Variants in MUC4 observed in about 807,000 individuals in gnomAD.
The protein encoded by MUC4 is mucin 4, cell surface associated, also known as mucin-4.
A neutral mutation model predicts 257.9 loss-of-function variants in MUC4; 202 were observed. The ratio of observed to expected loss-of-function variants is 0.78; its 90% CI spans 0.70 to 0.88. The LOEUF is 0.88. Ranked by LOEUF, MUC4 falls within the 40% of genes least tolerant of loss-of-function variation. The probability of loss-of-function intolerance (pLI) is 0.00; values close to 1 mark genes in which losing one functional copy is unlikely to be tolerated. For synonymous variants in MUC4, 2,351 were observed against 2,757.1 expected, an observed-to-expected ratio of 0.85 and a Z score of 4.62; for missense variants, 5,976 against 6,513.7, an observed-to-expected ratio of 0.92 and a Z score of 2.84.
intron 16 of MUC4, 64 bp downstream of exon 16, chr3:195,760,820 G>A (rs952136801): frequency 1.0e-4 from 141 of 1,359,044 alleles, no homozygotes; most frequent in African/African-American, 5.5e-4. Flanking sequence ...GCAGGGTCAG[G>A]CAAGGGCAGC....
At chr3:195,796,810 G>C (rs1373653143) in intron 1 of MUC4, among the ~76,000 whole-genome samples, 1 of 152,152 alleles carries the variant, frequency 6.6e-6, no homozygotes, top group Non-Finnish European at 1.5e-5. Context: ...AACATATTCA[G>C]AGTTTGGAAC....
rs1212864748 is a variant in MUC4, at chr3:195,765,350, C to T, written c.13718G>A (p.Ser4573Asn). ...QWLKSQPRWP[S>N]WGWNQVSCPC... ...GCAGGAGACCTGGTTCCAGCCCCAGCTGGGCCACCGAGGCTGGCTCTTCAG... is the reference window on the plus strand; with the variant it reads ...GCAGGAGACCTGGTTCCAGCCCCAGTTGGGCCACCGAGGCTGGCTCTTCAG... Residue 4573 changes from serine (S) to asparagine (N), a missense_variant, in exon 9 of 25, where the codon AGC (serine) becomes AAC (asparagine). Ser to Asn is a conservative substitution (Grantham distance 46). This residue lies in a region of MUC4 where 996 missense variants were observed against 1,137.3 expected (regional missense o/e 0.88). Coordinates refer to ENST00000463781, the MANE Select transcript of MUC4 (RefSeq NM_018406.7). The T allele has an allele frequency of 1.2e-6, 2 of 1,613,732 alleles. No individual in the cohort carries two copies. The highest frequency in any genetic ancestry group is 2.2e-5 in the East Asian group (1 of 44,866).
chr3:195,794,593 C>T (rs1233115102), intron 1 of MUC4, among the ~76,000 whole-genome samples: 1 of 152,084 alleles, frequency 6.6e-6, no homozygotes. Context: ...AACTCCCGGC[C>T]TCAAGCGATC....
chr3:195,780,141 G>T lies in MUC4; in HGVS notation c.11439C>A (p.Ser3813Arg), dbSNP rs1553870268. 3 of 1,485,880 alleles carry T rather than the reference G, an allele frequency of 2.0e-6. No homozygotes were observed. The highest frequency in any genetic ancestry group is 2.7e-6 in the Non-Finnish European group (3 of 1,099,326). The allele number at this position is 1,485,880 out of a possible 1,614,324, so 92.0% of individuals were successfully genotyped here. Residue 3813 changes from serine (S) to arginine (R), a missense_variant, in exon 2 of 25, where the codon AGC (serine) becomes AGA (arginine). Physicochemically the swap from Ser to Arg is moderately radical, Grantham distance 110. This residue lies in a region of MUC4 where 330 missense variants were observed against 262.0 expected (regional missense o/e 1.26). Coordinates refer to ENST00000463781, the MANE Select transcript of MUC4 (RefSeq NM_018406.7). Reference sequence around the variant, plus strand: ...TGTCACCTGTGGATACTGAGGAAAGGCTGGTGACAGGAAGAGGGGTGGCCT... The same window carrying T: ...TGTCACCTGTGGATACTGAGGAAAGTCTGGTGACAGGAAGAGGGGTGGCCT... ...TGQATPLPVT[S>R]LSSVSTGDTT... is the part of the protein sequence containing the mutation.
chr3:195,767,856 TCACCCCCAACAC>T (rs1297995374), intron 7 of MUC4, among the ~76,000 whole-genome samples: 10 of 52,002 alleles, frequency 1.9e-4, no homozygotes, highest in Admixed American at 3.5e-4. Flanking sequence ...ATCGCCACCA[TCACCCCCAACAC>T]CACCACCATC....
chr3:195,768,336 A>T (rs1031036597), intron 7 of MUC4, among the ~76,000 whole-genome samples: 1 of 152,240 alleles, frequency 6.6e-6, no homozygotes, highest in African/African-American at 2.4e-5. Flanking sequence ...ACACCCCAGC[A>T]TATGGGAACA....
chr3:195,748,803 A>T, intron 24 of MUC4, 99 bp downstream of exon 24: 4 of 1,394,164 alleles, frequency 2.9e-6, no homozygotes, highest in Non-Finnish European at 3.8e-6. Flanking sequence ...CTGGTCTCTG[A>T]TCTCTCGAGC....
intron 3 of MUC4, among the ~76,000 whole-genome samples, chr3:195,775,213 G>T (rs1421102626): frequency 6.6e-6 from 1 of 152,034 alleles, no homozygotes; most frequent in Admixed American, 6.6e-5. Context: ...AATGCCATTT[G>T]TACAATGCAA....
chr3:195,767,627 C>CCACCATCACCACCACCACCAT, intron 7 of MUC4, among the ~76,000 whole-genome samples: 1 of 118,020 alleles, frequency 8.5e-6, no homozygotes. Context: ...ACCATCACCA[C>CCACCATCACCACCACCACCAT]CATCACCACC....
In MUC4 at chr3:195,791,041, C is replaced by A. The variant is rs754973237; in HGVS notation, c.539G>T (p.Arg180Leu). ...SITAGQEGQS[R>L]TTSWRTSIQD... is the part of the protein sequence containing the mutation. ...GATAGAGGTCCTCCAGGAAGTTGTT[C>A]GTGATTGTCCTTCCTGTCCAGCTGT... The change falls in exon 2 of 25, where the codon CGA (arginine) becomes CTA (leucine). Residue 180 changes from arginine (R) to leucine (L), a missense_variant. Around this residue, in one of 44 missense-constraint regions of MUC4, gnomAD observed 1,583 missense variants for 1,257.4 expected, o/e 1.26. Coordinates refer to ENST00000463781, the MANE Select transcript of MUC4 (RefSeq NM_018406.7). 1.9e-6 allele frequency: 3 copies of A among 1,613,342 alleles called. No individual in the cohort carries two copies. The highest frequency in any genetic ancestry group is 2.5e-6 in the Non-Finnish European group (3 of 1,179,760).
At chr3:195,776,548 ACCCATACCTTCC>A in intron 3 of MUC4, among the ~76,000 whole-genome samples, 15 of 27,916 alleles carry the variant, frequency 5.4e-4, no homozygotes, top group Non-Finnish European at 5.5e-4. Context: ...TACCTTCCAC[ACCCATACCTTCC>A]GCACCCATAC....
chr3:195,749,575 C>T (rs1450048802), intron 23 of MUC4, among the ~76,000 whole-genome samples: 15 of 152,002 alleles, frequency 9.9e-5, no homozygotes, highest in Non-Finnish European at 1.6e-4. Flanking sequence ...AGTACAGTGC[C>T]GGACACACAG....
rs1733790970 is a variant in MUC4 at position 195,791,014 on chromosome 3, T to C, written c.566A>G (p.Gln189Arg). 1.9e-6 allele frequency: 3 copies of C among 1,613,844 alleles called. No homozygotes were observed. Among genetic ancestry groups the C allele is most frequent in the Non-Finnish European group, 2.5e-6 (3 of 1,179,904 alleles). Residue 189 changes from glutamine (Q) to arginine (R), a missense_variant, in exon 2 of 25, where the codon CAA becomes CGA. Around this residue, in one of 44 missense-constraint regions of MUC4, gnomAD observed 1,583 missense variants for 1,257.4 expected, o/e 1.26. Coordinates refer to ENST00000463781, the MANE Select transcript of MUC4 (RefSeq NM_018406.7). ...SRTTSWRTSI[Q>R]DTSASSQNHW... ...GTTCTGAGAAGAAGCTGATGTGTCT[T>C]GGATAGAGGTCCTCCAGGAAGTTGT...
intron 8 of MUC4, 130 bp downstream of exon 8, chr3:195,766,533 C>T: frequency 1.3e-6 from 1 of 784,118 alleles, no homozygotes; most frequent in Non-Finnish European, 2.1e-6. Context: ...GGAGGTTGAA[C>T]TGTGTGGGGG....
chr3:195,790,444 G>A lies in MUC4; in HGVS notation c.1136C>T (p.Ser379Phe). The A allele has an allele frequency of 1.9e-6, 3 of 1,613,892 alleles. No homozygotes were observed. The highest frequency in any genetic ancestry group is 2.5e-6 in the Non-Finnish European group (3 of 1,179,782). Residue 379 changes from serine to phenylalanine, a missense_variant, in exon 2 of 25, where the codon TCC becomes TTC. Coordinates refer to ENST00000463781, the MANE Select transcript of MUC4 (RefSeq NM_018406.7). ...GAATGTATTGCTGACACTGGAAGGGGATGAGGTGGTTGTTTCACCAGAAGG... is the reference window on the plus strand; with the variant it reads ...GAATGTATTGCTGACACTGGAAGGGAATGAGGTGGTTGTTTCACCAGAAGG... ...TFPSGETTTS[S>F]PSSVSNTFLV...
At position 195,779,563 on chromosome 3, in the gene MUC4, GTGCTGGTGACA is replaced by G. The variant is rs1726235508; in HGVS notation, c.12006_12016del (p.Val4003PhefsTer39). 2 of 631,520 alleles carry G rather than the reference GTGCTGGTGACA, an allele frequency of 3.2e-6. 1 individual carries two copies. Among genetic ancestry groups the G allele is most frequent in the African/African-American group, 4.8e-5 (2 of 41,294 alleles). 39.1% of individuals were successfully genotyped at this position (631,520 alleles called of 1,614,324 possible). ...GGCGTGACCTGTAGATACTGAGGAA[GTGCTGGTGACA>G]GGAAGAGGGGTGGCGTGACCTGTGG... On this transcript the variant is annotated frameshift_variant, in exon 2 of 25. Coordinates refer to ENST00000463781, the MANE Select transcript of MUC4 (RefSeq NM_018406.7). LOFTEE classifies it high-confidence loss of function.
In MUC4 at chr3:195,751,384, A is replaced by G. The variant is rs1183921531; in HGVS notation, c.15583-113T>C. The G allele has an allele frequency of 4.9e-6, 4 of 816,964 alleles. No homozygotes were observed. In the Admixed American group the frequency reaches 8.1e-5, roughly 17 times the overall value. 50.6% of individuals were successfully genotyped at this position (816,964 alleles called of 1,614,324 possible). On this transcript the variant is annotated intron_variant, in intron 21 of 24. Coordinates refer to ENST00000463781, the MANE Select transcript of MUC4 (RefSeq NM_018406.7). The stretch of plus-strand genomic sequence containing the variant: ...TGTTTCCTCCTGGAACGGGAGCCCC[A>G]GGACCCCAGCACCTTCCTCACCTGT...
intron 18 of MUC4, among the ~76,000 whole-genome samples, chr3:195,754,743 GATGT>G (rs1487618905): frequency 2.0e-5 from 3 of 151,194 alleles, no homozygotes; most frequent in Middle Eastern, 3.4e-3. Flanking sequence ...TCCATGTATA[GATGT>G]ATGTATCCAT....
intron 4 of MUC4, 151 bp from the exon 5 acceptor site, chr3:195,771,967 G>A (rs1382707611): frequency 1.2e-6 from 1 of 813,530 alleles, no homozygotes; most frequent in Non-Finnish European, 1.9e-6. Flanking sequence ...GTCCTGTTTT[G>A]GGGAGAGCCC....
Sources: gnomAD v4.1 joint callset for allele counts (sites outside exome capture counted in the v4.1 genomes callset) on GRCh38, gnomAD v4.1.1 for gene constraint, gnomAD v4.1.1 regional missense constraint, MANE v1.5 for transcripts, NCBI Gene and HGNC (gene_info 2026-07-23, HGNC 2026-07-21) for gene names.